NTRK2: variants seen among roughly 807,000 people sequenced by gnomAD.
NTRK2 encodes neurotrophic receptor tyrosine kinase 2.
In NTRK2, 13 loss-of-function variants were observed where a neutral mutation model predicts 94.5. That is an observed-to-expected ratio of 0.14 (90% CI 0.09 to 0.22). NTRK2 has a LOEUF of 0.22. NTRK2 is among the 10% of genes least tolerant of loss of function. NTRK2 has a pLI of 1.00. For synonymous variants in NTRK2, 372 were observed against 407.4 expected (o/e 0.91, Z 1.05); for missense variants, 639 against 1,071.2 (o/e 0.60, Z 5.63).
chr9:85,008,142 A>G (rs1330496030), intron 17 of NTRK2, among the ~76,000 whole-genome samples: 1 of 151,920 alleles, frequency 6.6e-6, no homozygotes, highest in Non-Finnish European at 1.5e-5. Context: ...ACCTGTTAGC[A>G]GAAGGGAACT....
intron 14 of NTRK2, among the ~76,000 whole-genome samples, chr9:84,925,398 G>T (rs1267127760): frequency 1.3e-5 from 2 of 151,878 alleles, no homozygotes; most frequent in African/African-American, 2.4e-5. Context: ...TTCAGTCCTG[G>T]CTTCCATTTC....
At chr9:84,888,552 G>T (rs991477420) in intron 14 of NTRK2, among the ~76,000 whole-genome samples, 1 of 137,140 alleles carries the variant, frequency 7.3e-6, no homozygotes, top group African/African-American at 2.7e-5. Flanking sequence ...GGCAGAGGTT[G>T]CAGTGAGCCG....
At chr9:84,883,101 A>C (rs2076312345) in intron 14 of NTRK2, among the ~76,000 whole-genome samples, 1 of 152,196 alleles carries the variant, frequency 6.6e-6, no homozygotes, top group Non-Finnish European at 1.5e-5. Flanking sequence ...AAATCCCTGC[A>C]TCCAAACTGG....
chr9:84,702,270 A>G (rs201656517), intron 3 of NTRK2, 37 bp downstream of exon 3: 2 of 1,612,246 alleles, frequency 1.2e-6, no homozygotes, highest in Non-Finnish European at 1.7e-6. Context: ...ATCTCAGAGA[A>G]TTTTCCTGTT....
At chr9:84,860,969 G>C in intron 12 of NTRK2, 71 bp from the exon 13 acceptor site, 1 of 1,064,484 alleles carries the variant, frequency 9.4e-7, no homozygotes, top group South Asian at 1.3e-5. Flanking sequence ...ATTTGACCAA[G>C]GACAGTGTTG....
chr9:84,766,675 A>AAC (rs1055803369), intron 12 of NTRK2, among the ~76,000 whole-genome samples: 4 of 148,812 alleles, frequency 2.7e-5, no homozygotes, highest in African/African-American at 1.0e-4. Context: ...TCAACACACA[A>AAC]ACACACACAC....
rs1407844584 is a variant in NTRK2 at position 84,730,184 on chromosome 9, T to G, written c.1159+2225T>G. Among the ~76,000 whole-genome samples, 3 of 152,330 alleles carry G rather than the reference T, an allele frequency of 2.0e-5. No homozygotes were observed. In the East Asian group the frequency reaches 5.8e-4, roughly 29 times the overall value. On this transcript the variant is annotated intron_variant, in intron 9 of 18. Coordinates refer to ENST00000277120, the MANE Select transcript of NTRK2 (RefSeq NM_006180.6). ...ATAACTGCTTTCAGAAAAGCCCGTTTTTTTGTTCTCTTTAAGTATTTACTT... is the reference window on the plus strand; with the variant it reads ...ATAACTGCTTTCAGAAAAGCCCGTTGTTTTGTTCTCTTTAAGTATTTACTT...
chr9:85,023,320 A>G lies in NTRK2; in HGVS notation c.*1883A>G. ...GAGTGATTTTCATTCATCTTAGGTCATGTTATTTCATATTTGTTTCTGAAG... is the reference window on the plus strand; with the variant it reads ...GAGTGATTTTCATTCATCTTAGGTCGTGTTATTTCATATTTGTTTCTGAAG... On this transcript the variant is annotated 3_prime_UTR_variant, in exon 19 of 19. Transcript: ENST00000277120. 4.3e-6 allele frequency: 1 copy of G among 232,692 alleles called. No homozygotes were observed. 14.4% of individuals were successfully genotyped at this position (232,692 alleles called of 1,614,324 possible).
intron 12 of NTRK2, among the ~76,000 whole-genome samples, chr9:84,801,200 T>C (rs2070399946): frequency 6.6e-6 from 1 of 151,980 alleles, no homozygotes; most frequent in Non-Finnish European, 1.5e-5. Context: ...TTCAGAGAGG[T>C]CCCCTCACTT....
At chr9:84,758,840 A>G (rs965731814) in intron 12 of NTRK2, among the ~76,000 whole-genome samples, 3 of 152,250 alleles carry the variant, frequency 2.0e-5, no homozygotes, top group African/African-American at 7.2e-5. Flanking sequence ...GAAAGCCACT[A>G]ATAAAGCAAA....
chr9:84,741,995 T>G, intron 10 of NTRK2, 68 bp downstream of exon 10: 1 of 1,345,512 alleles, frequency 7.4e-7, no homozygotes. Context: ...GTAAATCAAC[T>G]GAAAGAAGAC....
chr9:84,816,009 T>C (rs943183106), intron 12 of NTRK2, among the ~76,000 whole-genome samples: 2 of 150,080 alleles, frequency 1.3e-5, no homozygotes, highest in Non-Finnish European at 3.0e-5. Flanking sequence ...AAAAAAAAAC[T>C]TATGCGAATT....
chr9:84,687,432 G>C (rs2059785832), intron 2 of NTRK2, among the ~76,000 whole-genome samples: 1 of 152,062 alleles, frequency 6.6e-6, no homozygotes, highest in Non-Finnish European at 1.5e-5. Context: ...ATTTTCCCCT[G>C]GATTTTCCTC....
intron 12 of NTRK2, among the ~76,000 whole-genome samples, chr9:84,776,015 T>C (rs556863789): frequency 6.6e-5 from 10 of 152,272 alleles, no homozygotes; most frequent in Admixed American, 5.9e-4. Flanking sequence ...GTGCAACAGC[T>C]CTGCACTTTT....
chr9:84,783,100 C>T (rs1026655611), intron 12 of NTRK2, among the ~76,000 whole-genome samples: 4 of 151,308 alleles, frequency 2.6e-5, no homozygotes, highest in Non-Finnish European at 4.4e-5. Flanking sequence ...GTCCCACCTC[C>T]CAGCATGAGA....
intron 17 of NTRK2, among the ~76,000 whole-genome samples, chr9:84,995,297 T>C (rs1373112289): frequency 6.6e-6 from 1 of 152,218 alleles, no homozygotes; most frequent in Non-Finnish European, 1.5e-5. Context: ...GCTTTTTTTT[T>C]TCCCCCAGAA....
chr9:84,807,709 A>G (rs1440345119), intron 12 of NTRK2, among the ~76,000 whole-genome samples: 1 of 152,134 alleles, frequency 6.6e-6, no homozygotes, highest in African/African-American at 2.4e-5. Flanking sequence ...ATAATCTTCT[A>G]TTGTTTTGTA....
chr9:84,700,243 A>C (rs1199581546), intron 2 of NTRK2, among the ~76,000 whole-genome samples: 1 of 152,248 alleles, frequency 6.6e-6, no homozygotes, highest in Admixed American at 6.5e-5. Flanking sequence ...TTACTGTGAG[A>C]TCATTTAGAA....
At chr9:84,947,184 G>A (rs1462516620) in intron 15 of NTRK2, among the ~76,000 whole-genome samples, 1 of 152,128 alleles carries the variant, frequency 6.6e-6, no homozygotes, top group Non-Finnish European at 1.5e-5. Flanking sequence ...TCGAACTCCT[G>A]ACCTTGGGTG....
Sources: gnomAD v4.1 joint callset for allele counts (sites outside exome capture counted in the v4.1 genomes callset) on GRCh38, gnomAD v4.1.1 for gene constraint, MANE v1.5 for transcripts, NCBI Gene and HGNC (gene_info 2026-07-23, HGNC 2026-07-21) for gene names.